SCNN1B: variants seen among roughly 807,000 people sequenced by gnomAD.
The protein encoded by SCNN1B is sodium channel epithelial 1 subunit beta, also known as epithelial sodium channel subunit beta.
In SCNN1B, 46 loss-of-function variants were observed where a neutral mutation model predicts 65.3. The observed-to-expected ratio is 0.70, with a 90% CI of 0.56 to 0.90. The LOEUF is 0.90. Among genes scored for constraint, SCNN1B ranks in the 40% least tolerant of loss-of-function variants. The pLI is 0.00. For synonymous variants in SCNN1B, 349 were observed against 330.6 expected (o/e 1.06, Z -0.60); for missense variants, 751 against 830.5 (o/e 0.90, Z 1.18).
intron 1 of SCNN1B, among the ~76,000 whole-genome samples, chr16:23,324,986 C>T (rs117783626): frequency 0.01 from 1,533 of 152,328 alleles, 12 homozygotes; most frequent in Middle Eastern, 0.027. Context: ...TAATTGTACT[C>T]ATACAGGGTA....
At chr16:23,353,251 A>T in intron 3 of SCNN1B, 177 bp downstream of exon 3, 2 of 699,072 alleles carry the variant, frequency 2.9e-6, no homozygotes, top group South Asian at 3.6e-5. Flanking sequence ...GTTAGTCAAG[A>T]CTCCTTTGGT....
chr16:23,279,125 G>A (rs1212059268), intron 1 of SCNN1B, among the ~76,000 whole-genome samples: 1 of 151,768 alleles, frequency 6.6e-6, no homozygotes, highest in African/African-American at 2.4e-5. Context: ...CACCCAGGCT[G>A]GAGTGCAGTG....
At chr16:23,363,993 C>T (rs1319112516) in intron 4 of SCNN1B, among the ~76,000 whole-genome samples, 4 of 151,704 alleles carry the variant, frequency 2.6e-5, no homozygotes, top group Admixed American at 2.0e-4. Flanking sequence ...ATGGTGAAAC[C>T]CTGTCTCTAC....
intron 1 of SCNN1B, among the ~76,000 whole-genome samples, chr16:23,319,165 T>C (rs1415148870): frequency 6.6e-6 from 1 of 152,008 alleles, no homozygotes; most frequent in Non-Finnish European, 1.5e-5. Context: ...CTCAGCCTCC[T>C]GCGTAGCTGG....
At chr16:23,313,791 T>C (rs554573197) in intron 1 of SCNN1B, among the ~76,000 whole-genome samples, 4 of 152,332 alleles carry the variant, frequency 2.6e-5, no homozygotes, top group African/African-American at 9.6e-5. Context: ...TTTGTATTTT[T>C]AGTAGAGACA....
At chr16:23,281,483 T>A (rs1051057724) in intron 1 of SCNN1B, among the ~76,000 whole-genome samples, 3 of 152,136 alleles carry the variant, frequency 2.0e-5, no homozygotes, top group African/African-American at 7.2e-5. Context: ...CTCTGGTACA[T>A]AACAGCTGTT....
Position 23,304,065 on chromosome 16 carries a change from G to A in SCNN1B, c.-9+1628G>A, listed in dbSNP as rs764432818. 4.8e-5 allele frequency: 74 copies of A among 1,535,896 alleles called. No homozygotes were observed. The South Asian group carries it at 7.1e-4, about 15-fold the overall frequency. The stretch of plus-strand genomic sequence containing the variant: ...TGCATGGATTCCCGCCGTGGATAAT[G>A]CCTACCGATGGGAATTTAGGTGACA... On this transcript the variant is annotated intron_variant, in intron 1 of 12. Transcript: ENST00000343070.
At chr16:23,378,830 A>G (rs1317842416) in intron 11 of SCNN1B, 63 bp downstream of exon 11, 1 of 1,483,910 alleles carries the variant, frequency 6.7e-7, no homozygotes, top group Middle Eastern at 1.7e-4. Flanking sequence ...TCGGGGCAGG[A>G]GTTTGGACAC....
chr16:23,363,771 G>A (rs560779058), intron 4 of SCNN1B, among the ~76,000 whole-genome samples: 2 of 151,626 alleles, frequency 1.3e-5, no homozygotes, highest in South Asian at 2.1e-4. Flanking sequence ...CTATGATCAC[G>A]CCATTGCACT....
chr16:23,373,633 A>G (rs1962829469), intron 7 of SCNN1B, among the ~76,000 whole-genome samples: 1 of 152,026 alleles, frequency 6.6e-6, no homozygotes, highest in African/African-American at 2.4e-5. Context: ...CAGTGCACTG[A>G]GTCATAACAA....
At chr16:23,346,296 C>T (rs1567305410) in intron 1 of SCNN1B, among the ~76,000 whole-genome samples, 1 of 138,340 alleles carries the variant, frequency 7.2e-6, no homozygotes, top group Admixed American at 7.8e-5. Context: ...AGTGCAATCT[C>T]GGCTCACTGC....
At chr16:23,283,883 A>C (rs1199768010) in intron 2 of SCNN1B, 1 of 152,202 alleles carries the variant, frequency 6.6e-6, no homozygotes, top group African/African-American at 2.4e-5. Context: ...TGGTCCACCT[A>C]GAAGGAGCTA....
At chr16:23,376,755 A>G (rs940064942) in intron 8 of SCNN1B, among the ~76,000 whole-genome samples, 4 of 151,944 alleles carry the variant, frequency 2.6e-5, no homozygotes, top group Non-Finnish European at 5.9e-5. Context: ...AAAAAAAAAA[A>G]AAAAAGAAAG....
In SCNN1B at chr16:23,375,775, G is replaced by A. The variant is rs61729789; in HGVS notation, c.1190G>A (p.Arg397His). The A allele has an allele frequency of 7.4e-6, 12 of 1,614,064 alleles. No individual in the cohort carries two copies. The highest frequency in any genetic ancestry group is 1.1e-5 in the South Asian group (1 of 91,080). Residue 397 changes from arginine (R) to histidine (H), a missense_variant, in exon 8 of 13, where the codon CGT (arginine) becomes CAT (histidine). Physicochemically the swap from Arg to His is conservative, Grantham distance 29. Coordinates refer to ENST00000343070, the MANE Select transcript of SCNN1B (RefSeq NM_000336.3). ...TCCTGCTTCCAAGACCACATGATCCGTAACTGCAACTGTGGCCACTACCTG... is the reference window on the plus strand; with the variant it reads ...TCCTGCTTCCAAGACCACATGATCCATAACTGCAACTGTGGCCACTACCTG... ...LRSCFQDHMI[R>H]NCNCGHYLYP...
chr16:23,343,651 A>AAAGAGAAAGAAAGAAAG (rs1567304517), intron 1 of SCNN1B, among the ~76,000 whole-genome samples: 1 of 91,132 alleles, frequency 1.1e-5, no homozygotes, highest in African/African-American at 4.8e-5. Context: ...AAGAAAGAAA[A>AAAGAGAAAGAAAGAAAG]AAAGAAAGGA....
chr16:23,377,071 G>T, intron 8 of SCNN1B, 94 bp from the exon 9 acceptor site: 1 of 1,110,328 alleles, frequency 9.0e-7, no homozygotes, highest in South Asian at 1.3e-5. Flanking sequence ...ACAGGGCCAG[G>T]AGAGCAGAGG....
rs149868979 is a variant in SCNN1B at position 23,380,566 on chromosome 16, G to A, written c.1688G>A (p.Arg563Gln). Residue 563 changes from arginine to glutamine, a missense_variant, in exon 13 of 13, where the codon CGG (arginine) becomes CAG (glutamine). Coordinates refer to ENST00000343070, the MANE Select transcript of SCNN1B (RefSeq NM_000336.3). The surrounding 1 kb of genome is among the most constrained non-coding windows in gnomAD (Gnocchi z 5.4). The stretch of plus-strand genomic sequence containing the variant: ...CTGGTGGCCTTGGCCAAGAGCCTAC[G>A]GCAGCGGCGAGCCCAAGCCAGCTAC... The part of the protein sequence containing the change: ...IKLVALAKSL[R>Q]QRRAQASYAG... 139 of 1,614,208 alleles carry A rather than the reference G, an allele frequency of 8.6e-5. 1 individual carries two copies. Among genetic ancestry groups the A allele is most frequent in the Admixed American group, 6.5e-4 (39 of 60,028 alleles).
At chr16:23,330,856 C>T (rs1352461240) in intron 1 of SCNN1B, among the ~76,000 whole-genome samples, 1 of 152,150 alleles carries the variant, frequency 6.6e-6, no homozygotes, top group Non-Finnish European at 1.5e-5. Flanking sequence ...CCACCATGCC[C>T]GGCCGAGATC....
chr16:23,323,876 A>G (rs1961638441), intron 1 of SCNN1B, among the ~76,000 whole-genome samples: 1 of 152,194 alleles, frequency 6.6e-6, no homozygotes, highest in South Asian at 2.1e-4. Context: ...TTCCCCTTCC[A>G]GCATCAGTCC....
Sources: gnomAD v4.1 joint callset for allele counts (sites outside exome capture counted in the v4.1 genomes callset) on GRCh38, gnomAD v4.1.1 for gene constraint, Gnocchi (gnomAD v3.1) non-coding constraint, MANE v1.5 for transcripts, NCBI Gene and HGNC (gene_info 2026-07-23, HGNC 2026-07-21) for gene names.